The following MGLL variants were observed in gnomAD, a reference collection of about 807,000 sequenced individuals.
MGLL encodes the protein monoglyceride lipase.
In MGLL, 7 loss-of-function variants were observed where a neutral mutation model predicts 29.1. The observed-to-expected ratio is 0.24, with a 90% CI of 0.14 to 0.45. The LOEUF (loss-of-function observed/expected upper bound fraction) is 0.45, where lower values mean the gene tolerates loss of function less well. Among genes scored for constraint, MGLL ranks in the 20% least tolerant of loss-of-function variants. MGLL has a pLI of 0.99. For missense variants in MGLL, 356 were observed against 413.6 expected, an observed-to-expected ratio of 0.86 and a Z score of 1.21; for synonymous variants, 148 against 168.3, an observed-to-expected ratio of 0.88 and a Z score of 0.93.
intron 6 of MGLL, among the ~76,000 whole-genome samples, chr3:127,705,360 C>A (rs576372108): frequency 6.6e-6 from 1 of 150,648 alleles, no homozygotes; most frequent in Non-Finnish European, 1.5e-5. Flanking sequence ...GCACATCCTG[C>A]GTATGTATCC....
intron 2 of MGLL, among the ~76,000 whole-genome samples, chr3:127,797,904 T>C (rs1325189948): frequency 6.6e-6 from 1 of 152,176 alleles, no homozygotes; most frequent in Non-Finnish European, 1.5e-5. Context: ...CCACCATACC[T>C]GGCCCACCGT....
At chr3:127,794,892 C>T (rs1387281203) in intron 2 of MGLL, among the ~76,000 whole-genome samples, 1 of 152,182 alleles carries the variant, frequency 6.6e-6, no homozygotes, top group Non-Finnish European at 1.5e-5. Context: ...TTTTGCTCGT[C>T]CTTTTGGAAG....
chr3:127,771,549 T>C (rs1019147523), intron 3 of MGLL, among the ~76,000 whole-genome samples: 1 of 151,984 alleles, frequency 6.6e-6, no homozygotes, highest in Non-Finnish European at 1.5e-5. Flanking sequence ...AGAGACAGGG[T>C]TTTGACATGT....
rs531013112 is a variant in MGLL, at chr3:127,809,321, T to C, written c.155+12373A>G. Among the ~76,000 whole-genome samples the C allele has an allele frequency of 6.6e-5, 10 of 152,286 alleles. 2 individuals are homozygous for C. The highest frequency in any genetic ancestry group is 4.1e-4 in the South Asian group (2 of 4,822). ...CTGGGAGAGGAGAATGGGAGAGCCA[T>C]GTCTGATTAAGACCAATCATGAGGC... is the stretch of plus-strand genomic sequence containing the variant. On this transcript the variant is annotated intron_variant, in intron 2 of 7. Coordinates refer to ENST00000265052, the MANE Select transcript of MGLL (RefSeq NM_007283.7).
At chr3:127,759,886 C>A (rs575403386) in intron 3 of MGLL, among the ~76,000 whole-genome samples, 2 of 152,336 alleles carry the variant, frequency 1.3e-5, no homozygotes, top group African/African-American at 4.8e-5. Flanking sequence ...GGCGTCTGTA[C>A]AATAACTGAG....
At chr3:127,809,164 G>A (rs1446646689) in intron 2 of MGLL, among the ~76,000 whole-genome samples, 1 of 152,102 alleles carries the variant, frequency 6.6e-6, no homozygotes, top group Non-Finnish European at 1.5e-5. Flanking sequence ...GGGAATTGGG[G>A]CAGAGAGAGA....
intron 2 of MGLL, among the ~76,000 whole-genome samples, chr3:127,799,224 C>T (rs977355451): frequency 1.3e-5 from 2 of 152,204 alleles, no homozygotes; most frequent in African/African-American, 4.8e-5. Context: ...GCAGGTCCTC[C>T]TCCTGGCCCT....
chr3:127,792,575 C>T (rs564895153), intron 2 of MGLL, among the ~76,000 whole-genome samples: 8 of 152,230 alleles, frequency 5.3e-5, no homozygotes, highest in African/African-American at 1.4e-4. Flanking sequence ...TTGTGGCACA[C>T]GCCTGTAGTC....
chr3:127,754,140 C>T (rs1191046274), intron 3 of MGLL, among the ~76,000 whole-genome samples: 2 of 152,184 alleles, frequency 1.3e-5, no homozygotes, highest in African/African-American at 2.4e-5. Flanking sequence ...TCACCCAGGC[C>T]CTGGCCTCAC....
At chr3:127,811,452 G>C (rs981307159) in intron 2 of MGLL, among the ~76,000 whole-genome samples, 4 of 152,350 alleles carry the variant, frequency 2.6e-5, no homozygotes, top group South Asian at 2.1e-4. Context: ...AAGTTACTCA[G>C]AGGCAGAGGT....
chr3:127,795,414 G>A (rs2107729187), intron 2 of MGLL, among the ~76,000 whole-genome samples: 1 of 149,914 alleles, frequency 6.7e-6, no homozygotes, highest in Admixed American at 6.6e-5. Flanking sequence ...GGGAGGGAGG[G>A]GGGCAAGGAC....
chr3:127,698,144 G>A (rs1416292924), intron 6 of MGLL, among the ~76,000 whole-genome samples: 2 of 152,184 alleles, frequency 1.3e-5, no homozygotes, highest in Non-Finnish European at 1.5e-5. Flanking sequence ...CTGGGCCTGG[G>A]GCCCAGCCAC....
At position 127,822,381 on chromosome 3, in the gene MGLL, G is replaced by A; in HGVS notation, c.-63C>T. 1 of 1,590,216 alleles carries A rather than the reference G, an allele frequency of 6.3e-7. No individual in the cohort carries two copies. The highest frequency in any genetic ancestry group is 8.6e-7 in the Non-Finnish European group (1 of 1,158,610). On this transcript the variant is annotated 5_prime_UTR_variant, in exon 1 of 8. Coordinates refer to ENST00000265052, the MANE Select transcript of MGLL (RefSeq NM_007283.7). ...TGGAGAATCAGAACCAGGCAAATCG[G>A]GCTGTTCCCTCATCTGGGCGGCCCC...
chr3:127,800,232 G>GA (rs2077452288), intron 2 of MGLL, among the ~76,000 whole-genome samples: 1 of 152,178 alleles, frequency 6.6e-6, no homozygotes, highest in African/African-American at 2.4e-5. Flanking sequence ...GGAGCCCAGT[G>GA]ACCCTACCAA....
rs558304922 is a variant in MGLL at position 127,746,376 on chromosome 3, C to A, written c.263-23810G>T. On this transcript the variant is annotated intron_variant, in intron 3 of 7. Coordinates refer to ENST00000265052, the MANE Select transcript of MGLL (RefSeq NM_007283.7). ...GCTCACAGCACTCTCTTGTCCTGGG[C>A]TCACAGATCCACCCTGCCTCAACTG... 2.0e-5 allele frequency among the ~76,000 whole-genome samples: 3 copies of A among 152,264 alleles called. No individual in the cohort carries two copies. The East Asian group carries it at 5.8e-4, about 29-fold the overall frequency.
chr3:127,734,520 C>T (rs981496747), intron 3 of MGLL, among the ~76,000 whole-genome samples: 1 of 152,192 alleles, frequency 6.6e-6, no homozygotes, highest in African/African-American at 2.4e-5. Flanking sequence ...CCTGCTCCTT[C>T]GCAGGTGCCA....
intron 4 of MGLL, among the ~76,000 whole-genome samples, 176 bp downstream of exon 4, chr3:127,722,254 C>T (rs760839564): frequency 1.1e-4 from 16 of 152,372 alleles, no homozygotes; most frequent in African/African-American, 3.8e-4. Flanking sequence ...GGCTGGCAGC[C>T]TCCCTTGTTT....
At chr3:127,766,245 C>G (rs1041796843) in intron 3 of MGLL, among the ~76,000 whole-genome samples, 9 of 152,192 alleles carry the variant, frequency 5.9e-5, no homozygotes, top group Admixed American at 2.0e-4. Flanking sequence ...GCATGTCTGT[C>G]TCCATGGATT....
chr3:127,722,127 C>T (rs376924336), intron 4 of MGLL, among the ~76,000 whole-genome samples: 4 of 152,200 alleles, frequency 2.6e-5, no homozygotes, highest in African/African-American at 7.2e-5. Context: ...CTATTCCCCC[C>T]TCCAAGAAGT....
Sources: allele counts gnomAD v4.1 joint callset (sites outside exome capture counted in the v4.1 genomes callset), GRCh38; gene constraint gnomAD v4.1.1; transcripts MANE v1.5; gene names NCBI Gene and HGNC (gene_info 2026-07-23, HGNC 2026-07-21).